The following NRG3 variants were observed in gnomAD, a reference collection of about 807,000 sequenced individuals.
NRG3 encodes the protein pro-neuregulin-3, membrane-bound isoform.
Under a neutral mutation model 66.9 loss-of-function variants are expected in NRG3, and 31 were observed. The ratio of observed to expected loss-of-function variants is 0.46; its 90% CI spans 0.35 to 0.63. NRG3 has a LOEUF of 0.63. NRG3 is among the 20% of genes least tolerant of loss of function. The pLI is 0.00. For missense variants in NRG3, 910 were observed against 878.9 expected (o/e 1.04, Z -0.45); for synonymous variants, 393 against 359.4 (o/e 1.09, Z -1.06).
At chr10:82,554,445 A>G (rs1424766752) in intron 2 of NRG3, among the ~76,000 whole-genome samples, 1 of 152,156 alleles carries the variant, frequency 6.6e-6, no homozygotes, top group Non-Finnish European at 1.5e-5. Flanking sequence ...ACTTTACAAA[A>G]TCAAATGAGC....
chr10:82,803,022 C>T (rs2061114800), intron 3 of NRG3, among the ~76,000 whole-genome samples: 1 of 152,078 alleles, frequency 6.6e-6, no homozygotes. Flanking sequence ...CTACAATCCT[C>T]TGAACTAACA....
chr10:82,333,902 G>T (rs1194349189), intron 1 of NRG3, among the ~76,000 whole-genome samples: 1 of 152,098 alleles, frequency 6.6e-6, no homozygotes, highest in East Asian at 1.9e-4. Flanking sequence ...GAGAAAAAGG[G>T]ATGGGAGCCG....
At chr10:81,960,427 G>A (rs1850246126) in intron 1 of NRG3, among the ~76,000 whole-genome samples, 1 of 151,938 alleles carries the variant, frequency 6.6e-6, no homozygotes, top group South Asian at 2.1e-4. Flanking sequence ...AATTTACCGA[G>A]TTAGTTTGCA....
At chr10:82,451,550 C>T (rs1590178979) in intron 2 of NRG3, among the ~76,000 whole-genome samples, 1 of 152,172 alleles carries the variant, frequency 6.6e-6, no homozygotes, top group East Asian at 1.9e-4. Context: ...TCCCATTTCA[C>T]AAAACAAAGC....
intron 4 of NRG3, among the ~76,000 whole-genome samples, chr10:82,944,236 A>G (rs1026342725): frequency 2.0e-5 from 3 of 152,230 alleles, no homozygotes; most frequent in African/African-American, 7.2e-5. Flanking sequence ...CTTCAAGTAA[A>G]AAACAAAACA....
intron 1 of NRG3, among the ~76,000 whole-genome samples, chr10:81,881,081 T>C (rs2132471926): frequency 6.6e-6 from 1 of 152,266 alleles, no homozygotes; most frequent in African/African-American, 2.4e-5. Context: ...TGGTTTTCCA[T>C]TTCACTCTTC....
intron 2 of NRG3, among the ~76,000 whole-genome samples, chr10:82,359,234 A>G (rs1378303548): frequency 6.6e-6 from 1 of 152,204 alleles, no homozygotes; most frequent in Non-Finnish European, 1.5e-5. Context: ...GAACCTACAG[A>G]CTGTGGCAGG....
Position 82,015,735 on chromosome 10 carries a change from G to A in NRG3, c.823+139572G>A, listed in dbSNP as rs11192173. ...AGTTCTTTATAGCAGTATGAAAATGGGCTAATACATCTGTCTTCACTATTT... is the reference window on the plus strand; with the variant it reads ...AGTTCTTTATAGCAGTATGAAAATGAGCTAATACATCTGTCTTCACTATTT... On this transcript the variant is annotated intron_variant, in intron 1 of 8. Transcript: ENST00000372141. 8.7e-3 allele frequency among the ~76,000 whole-genome samples: 1,326 copies of A among 151,722 alleles called. 29 individuals are homozygous for A. The highest frequency in any genetic ancestry group is 0.03 in the African/African-American group (1,253 of 41,356).
chr10:81,991,811 A>T (rs537208089), intron 1 of NRG3, among the ~76,000 whole-genome samples: 1 of 152,166 alleles, frequency 6.6e-6, no homozygotes, highest in Non-Finnish European at 1.5e-5. Flanking sequence ...AAGTAAAATA[A>T]TATCTATCAC....
chr10:82,913,053 G>A (rs1008730101), intron 4 of NRG3, among the ~76,000 whole-genome samples: 12 of 152,000 alleles, frequency 7.9e-5, no homozygotes, highest in African/African-American at 1.7e-4. Flanking sequence ...GTGAAACCCC[G>A]TCTCTACTAA....
At chr10:81,877,348 T>C (rs1231932335) in intron 1 of NRG3, among the ~76,000 whole-genome samples, 1 of 152,194 alleles carries the variant, frequency 6.6e-6, no homozygotes, top group Non-Finnish European at 1.5e-5. Context: ...CCCAGGCTGC[T>C]AGTTCAAGTT....
chr10:82,676,598 C>T (rs1168936077), intron 2 of NRG3, among the ~76,000 whole-genome samples: 1 of 152,058 alleles, frequency 6.6e-6, no homozygotes, highest in East Asian at 1.9e-4. Flanking sequence ...ACTCTTCTGC[C>T]TCAGCCTCCC....
intron 1 of NRG3, among the ~76,000 whole-genome samples, chr10:82,171,015 A>G (rs973348240): frequency 1.3e-5 from 2 of 151,918 alleles, no homozygotes; most frequent in Non-Finnish European, 2.9e-5. Flanking sequence ...AGCTGAAGAC[A>G]TTAATATTGA....
intron 2 of NRG3, among the ~76,000 whole-genome samples, chr10:82,523,947 C>T (rs905576539): frequency 3.9e-5 from 6 of 152,162 alleles, no homozygotes; most frequent in Admixed American, 2.6e-4. Context: ...TCATCAAAAA[C>T]AGGTACTGAG....
intron 1 of NRG3, among the ~76,000 whole-genome samples, chr10:82,217,220 A>G (rs913938174): frequency 9.2e-5 from 14 of 152,148 alleles, no homozygotes; most frequent in African/African-American, 2.9e-4. Flanking sequence ...GGGGCTGGCC[A>G]TATTTGTCAT....
chr10:82,427,598 A>G (rs373478365), intron 2 of NRG3, among the ~76,000 whole-genome samples: 6 of 151,934 alleles, frequency 3.9e-5, no homozygotes, highest in Non-Finnish European at 8.8e-5. Context: ...TATTTTGTTG[A>G]GTTGTATTTT....
intron 1 of NRG3, among the ~76,000 whole-genome samples, chr10:81,941,785 A>G (rs181721328): frequency 6.6e-6 from 1 of 152,226 alleles, no homozygotes; most frequent in Non-Finnish European, 1.5e-5. Flanking sequence ...GGGCTTGGAG[A>G]GAGTGGTAAA....
chr10:82,140,204 C>T (rs1157096321), intron 1 of NRG3, among the ~76,000 whole-genome samples: 1 of 152,108 alleles, frequency 6.6e-6, no homozygotes, highest in African/African-American at 2.4e-5. Flanking sequence ...CGACTCTTTG[C>T]ACTCCTTCAT....
intron 1 of NRG3, among the ~76,000 whole-genome samples, chr10:82,347,360 C>T (rs889688273): frequency 1.3e-5 from 2 of 152,002 alleles, no homozygotes; most frequent in Non-Finnish European, 2.9e-5. Flanking sequence ...GTTCAGTTTC[C>T]ATGAAGTTGA....
Sources: allele counts gnomAD v4.1 joint callset (sites outside exome capture counted in the v4.1 genomes callset), GRCh38; gene constraint gnomAD v4.1.1; transcripts MANE v1.5; gene names NCBI Gene and HGNC (gene_info 2026-07-23, HGNC 2026-07-21).